Variants in HTR2C observed in about 807,000 individuals in gnomAD.
HTR2C encodes 5-hydroxytryptamine receptor 2C, also known as 5-hydroxytryptamine (serotonin) receptor 2C, G protein-coupled.
Under a neutral mutation model 21.0 loss-of-function variants are expected in HTR2C, and 5 were observed. The ratio of observed to expected loss-of-function variants is 0.24; its 90% confidence interval spans 0.12 to 0.50. The LOEUF is 0.50. Ranked by LOEUF, HTR2C falls within the 20% of genes least tolerant of loss-of-function variation. HTR2C has a pLI of 0.98. For missense variants in HTR2C, 271 were observed against 371.2 expected (o/e 0.73, Z 2.22); for synonymous variants, 150 against 145.3 (o/e 1.03, Z -0.23).
At chrX:114,814,812 T>C (rs1556453832) in intron 4 of HTR2C, among the ~76,000 whole-genome samples, 1 of 101,252 alleles carries the variant, frequency 9.9e-6, no homozygotes, top group African/African-American at 3.5e-5. Flanking sequence ...GTATATATCA[T>C]ATAGTATATA....
At chrX:114,686,673 A>G (rs1931924092) in intron 2 of HTR2C, among the ~76,000 whole-genome samples, 1 of 110,622 alleles carries the variant, frequency 9.0e-6, no homozygotes. Context: ...CACACAGTAT[A>G]TTTATATATT....
intron 2 of HTR2C, among the ~76,000 whole-genome samples, chrX:114,640,565 A>G (rs189217470): frequency 8.9e-5 from 10 of 112,386 alleles, no homozygotes. Flanking sequence ...AAGCTATGAC[A>G]TACCACAATG....
At chrX:114,608,962 ATC>A in intron 1 of HTR2C, among the ~76,000 whole-genome samples, 1 of 111,972 alleles carries the variant, frequency 8.9e-6, no homozygotes, top group Non-Finnish European at 1.9e-5. Flanking sequence ...GAAGTGTGCC[ATC>A]TGTTTCTTTT....
At chrX:114,719,981 T>C (rs1286420948) in intron 2 of HTR2C, among the ~76,000 whole-genome samples, 5 of 111,786 alleles carry the variant, frequency 4.5e-5, no homozygotes, top group African/African-American at 1.6e-4. Context: ...TAAAAATAAA[T>C]ATTGAAAATC....
At chrX:114,588,425 G>A (rs1246166749) in intron 1 of HTR2C, among the ~76,000 whole-genome samples, 13 of 111,478 alleles carry the variant, frequency 1.2e-4, no homozygotes, top group African/African-American at 3.9e-4. Context: ...CTTTAGAACT[G>A]CATTGTCCAG....
intron 5 of HTR2C, among the ~76,000 whole-genome samples, chrX:114,861,897 A>G (rs2071009510): frequency 9.0e-6 from 1 of 111,698 alleles, no homozygotes; most frequent in Non-Finnish European, 1.9e-5. Context: ...TAACAGATAT[A>G]TGGTTTGCAA....
chrX:114,767,476 C>A (rs2069957978), intron 4 of HTR2C, among the ~76,000 whole-genome samples: 1 of 110,327 alleles, frequency 9.1e-6, no homozygotes, highest in African/African-American at 3.3e-5. Flanking sequence ...TTCTATTTTA[C>A]TTTAACCCTA....
intron 2 of HTR2C, among the ~76,000 whole-genome samples, chrX:114,708,188 C>G (rs782537353): frequency 9.0e-6 from 1 of 111,613 alleles, no homozygotes; most frequent in East Asian, 2.8e-4. Flanking sequence ...TTCACTTACT[C>G]ATGAAATCAA....
intron 2 of HTR2C, among the ~76,000 whole-genome samples, chrX:114,683,872 ACT>A (rs1158046031): frequency 9.0e-6 from 1 of 111,183 alleles, no homozygotes; most frequent in Non-Finnish European, 1.9e-5. Context: ...TAAAAGAATG[ACT>A]CTCTGTTCAA....
Position 114,909,615 on chromosome X carries a change from A to T in HTR2C, c.*2200A>T, listed in dbSNP as rs1254290128. 2.7e-5 allele frequency: 3 copies of T among 112,674 alleles called. No individual in the cohort carries two copies. The highest frequency in any genetic ancestry group is 5.6e-5 in the Non-Finnish European group (3 of 53,278). The allele number at this position is 112,674 out of a possible 1,213,427, so 9.3% of individuals were successfully genotyped here. On this transcript the variant is annotated 3_prime_UTR_variant, in exon 6 of 6. Coordinates refer to ENST00000276198, the MANE Select transcript of HTR2C (RefSeq NM_000868.4). The stretch of plus-strand genomic sequence containing the variant: ...TACTAGCAATAAGTTGAATGATAAT[A>T]GCTCACAGCACATTTGTTAATGATT...
intron 4 of HTR2C, among the ~76,000 whole-genome samples, chrX:114,759,468 TA>T (rs1211316917): frequency 7.1e-4 from 79 of 111,819 alleles, no homozygotes; most frequent in African/African-American, 2.4e-3. Flanking sequence ...AAAACACGAG[TA>T]TATATAAATA....
chrX:114,793,209 A>AT (rs1491017620), intron 4 of HTR2C, among the ~76,000 whole-genome samples: 5 of 111,431 alleles, frequency 4.5e-5, no homozygotes, highest in African/African-American at 1.6e-4. Flanking sequence ...GCCTACAGAC[A>AT]TATAATACTT....
chrX:114,788,323 C>A (rs2070197987), intron 4 of HTR2C, among the ~76,000 whole-genome samples: 1 of 110,601 alleles, frequency 9.0e-6, no homozygotes, highest in African/African-American at 3.3e-5. Flanking sequence ...TGCAATGGCG[C>A]CTTCTCGACT....
intron 2 of HTR2C, among the ~76,000 whole-genome samples, chrX:114,692,924 T>A (rs1157965751): frequency 2.7e-5 from 3 of 111,184 alleles, no homozygotes; most frequent in Non-Finnish European, 5.7e-5. Flanking sequence ...CTTTGGAGCA[T>A]AAAAGCAGTA....
chrX:114,738,773 T>C (rs2069615642), intron 4 of HTR2C, among the ~76,000 whole-genome samples: 1 of 108,586 alleles, frequency 9.2e-6, no homozygotes, highest in African/African-American at 3.4e-5. Context: ...ACCTGCACAT[T>C]CTTCGCATGT....
At chrX:114,637,543 C>T (rs1382254419) in intron 2 of HTR2C, among the ~76,000 whole-genome samples, 13 of 111,652 alleles carry the variant, frequency 1.2e-4, no homozygotes, top group African/African-American at 3.9e-4. Context: ...AAAATGAGCT[C>T]AATTATTTCA....
chrX:114,644,880 G>A (rs1394518257), intron 2 of HTR2C, among the ~76,000 whole-genome samples: 1 of 110,912 alleles, frequency 9.0e-6, no homozygotes, highest in African/African-American at 3.3e-5. Flanking sequence ...GATGTAAGTG[G>A]CTGAGGATGT....
chrX:114,652,611 T>A, intron 2 of HTR2C: 1 of 362,991 alleles, frequency 2.8e-6, no homozygotes, highest in Non-Finnish European at 5.5e-6. Flanking sequence ...GAAAATATCA[T>A]AACATATTCA....
intron 4 of HTR2C, among the ~76,000 whole-genome samples, chrX:114,832,840 C>CA (rs1386842787): frequency 1.3e-4 from 3 of 23,798 alleles, no homozygotes; most frequent in Admixed American, 1.1e-3. Flanking sequence ...GTGGGTTTGT[C>CA]ATAGATAGCT....
Sources: allele counts gnomAD v4.1 joint callset (sites outside exome capture counted in the v4.1 genomes callset), GRCh38; gene constraint gnomAD v4.1.1; transcripts MANE v1.5; gene names NCBI Gene and HGNC (gene_info 2026-07-23, HGNC 2026-07-21).